The following MAP3K20 variants were observed in gnomAD, a reference collection of about 807,000 sequenced individuals.
MAP3K20 encodes HCCS-4.
A neutral mutation model predicts 85.7 loss-of-function variants in MAP3K20; 40 were observed. That is an observed-to-expected ratio of 0.47 (90% confidence interval 0.36 to 0.61). The LOEUF is 0.61. MAP3K20 is among the 20% of genes least tolerant of loss of function. The pLI, the probability that MAP3K20 is intolerant of heterozygous loss-of-function variation, is 0.00. For missense variants in MAP3K20, 817 were observed against 961.7 expected (o/e 0.85, Z 1.99); for synonymous variants, 325 against 327.7 (o/e 0.99, Z 0.09).
chr2:173,089,974 G>C (rs111267733), intron 1 of MAP3K20, among the ~76,000 whole-genome samples: 1 of 152,290 alleles, frequency 6.6e-6, no homozygotes, highest in African/African-American at 2.4e-5. Flanking sequence ...GCCTAGGCCA[G>C]ATGTTTTGTA....
rs576889941 is a variant in MAP3K20, at chr2:173,167,061, C to T, written c.160-2744C>T. Among the ~76,000 whole-genome samples, 35 of 151,984 alleles carry T rather than the reference C, an allele frequency of 2.3e-4. No individual in the cohort carries two copies. In the South Asian group the frequency reaches 6.9e-3, roughly 30 times the overall value. On this transcript the variant is annotated intron_variant, in intron 2 of 19. Coordinates refer to ENST00000375213, the MANE Select transcript of MAP3K20 (RefSeq NM_016653.3). Reference sequence around the variant, plus strand: ...CCGAGTAGCTGGGACTACAGGCGCCCGCTACCACGCCCGGCTAATTTTTTT... The same window carrying T: ...CCGAGTAGCTGGGACTACAGGCGCCTGCTACCACGCCCGGCTAATTTTTTT...
intron 1 of MAP3K20, among the ~76,000 whole-genome samples, chr2:173,080,927 A>G (rs1686996249): frequency 6.6e-6 from 1 of 152,196 alleles, no homozygotes; most frequent in African/African-American, 2.4e-5. Context: ...AAAGAAAAGG[A>G]AAGAATTGCT....
At chr2:173,219,425 TTTTA>T (rs1303276384) in intron 11 of MAP3K20, among the ~76,000 whole-genome samples, 1 of 152,138 alleles carries the variant, frequency 6.6e-6, no homozygotes, top group African/African-American at 2.4e-5. Context: ...GATGTAAACT[TTTTA>T]TTTATTTTAA....
Position 173,266,837 on chromosome 2 carries a change from A to G in MAP3K20, c.*87A>G, listed in dbSNP as rs927979430. 1.5e-5 allele frequency: 18 copies of G among 1,228,386 alleles called. No individual in the cohort carries two copies. The highest frequency in any genetic ancestry group is 1.8e-5 in the Non-Finnish European group (17 of 929,722). The allele number at this position is 1,228,386 out of a possible 1,614,324, so 76.1% of individuals were successfully genotyped here. On this transcript the variant is annotated 3_prime_UTR_variant, in exon 20 of 20. Coordinates refer to ENST00000375213, the MANE Select transcript of MAP3K20 (RefSeq NM_016653.3). ...GTTTTTGATAATATGATCCCTTCAG[A>G]TTGAATTAACGAAAAGACAACACTT...
Position 173,165,490 on chromosome 2 carries a change from A to C in MAP3K20, c.160-4315A>C, listed in dbSNP as rs537524282. ...TCCAAGTCCTAGTTTGGAAAATTAC[A>C]TGTTTATCTTATGGATACTTAGACC... On this transcript the variant is annotated intron_variant, in intron 2 of 19. Coordinates refer to ENST00000375213, the MANE Select transcript of MAP3K20 (RefSeq NM_016653.3). Among the ~76,000 whole-genome samples the C allele has an allele frequency of 2.0e-5, 3 of 152,290 alleles. No individual in the cohort carries two copies. In the East Asian group the frequency reaches 5.8e-4, roughly 29 times the overall value.
chr2:173,175,361 A>G (rs1690122843), intron 3 of MAP3K20, among the ~76,000 whole-genome samples: 1 of 152,176 alleles, frequency 6.6e-6, no homozygotes, highest in South Asian at 2.1e-4. Context: ...AAACATATTT[A>G]TCTTAAGAAC....
intron 2 of MAP3K20, among the ~76,000 whole-genome samples, chr2:173,165,807 G>A (rs947318745): frequency 6.6e-6 from 1 of 152,146 alleles, no homozygotes; most frequent in Non-Finnish European, 1.5e-5. Flanking sequence ...GAGTAGCTGG[G>A]ACCACAGGCA....
chr2:173,107,229 A>T (rs1687807694), intron 2 of MAP3K20, among the ~76,000 whole-genome samples: 1 of 152,188 alleles, frequency 6.6e-6, no homozygotes. Flanking sequence ...GGGGCTCCCC[A>T]CCAAGCTCTG....
chr2:173,162,594 G>C (rs1349541180), intron 2 of MAP3K20, among the ~76,000 whole-genome samples: 1 of 151,496 alleles, frequency 6.6e-6, no homozygotes, highest in East Asian at 1.9e-4. Flanking sequence ...GCTGAGGCAG[G>C]AGAATCGCTT....
intron 11 of MAP3K20, chr2:173,223,925 T>G (rs1684319321): frequency 1.0e-6 from 1 of 985,326 alleles, no homozygotes; most frequent in African/African-American, 1.7e-5. Flanking sequence ...GTCAGCCACC[T>G]GAAGAGAGAG....
chr2:173,119,679 A>G (rs897676503), intron 2 of MAP3K20, among the ~76,000 whole-genome samples: 2 of 152,100 alleles, frequency 1.3e-5, no homozygotes, highest in Admixed American at 6.5e-5. Context: ...CTCAGCTTCT[A>G]CATACACCAT....
At chr2:173,196,776 C>A (rs1461859939) in intron 7 of MAP3K20, among the ~76,000 whole-genome samples, 1 of 152,136 alleles carries the variant, frequency 6.6e-6, no homozygotes, top group East Asian at 1.9e-4. Flanking sequence ...GTCGAAGCCA[C>A]TGGTTCTCTT....
rs556931621 is a variant in MAP3K20, at chr2:173,215,454, T to G, written c.852-1661T>G. On this transcript the variant is annotated intron_variant, in intron 10 of 19. Transcript: ENST00000375213. ...AGGCATAATATTTTTGTCAGAAATA[T>G]CAGGGATAAAATTTGGATTTTATGG... is the stretch of plus-strand genomic sequence containing the variant. 2.6e-5 allele frequency among the ~76,000 whole-genome samples: 4 copies of G among 152,334 alleles called. No individual in the cohort carries two copies. The South Asian group carries it at 6.2e-4, about 24-fold the overall frequency.
At chr2:173,263,609 T>C (rs1462153070) in intron 18 of MAP3K20, 136 bp from the exon 19 acceptor site, 3 of 818,904 alleles carry the variant, frequency 3.7e-6, no homozygotes, top group South Asian at 1.8e-5. Context: ...TGCATTATGA[T>C]AGTGTTCTAA....
intron 2 of MAP3K20, among the ~76,000 whole-genome samples, chr2:173,111,186 T>A (rs1349211202): frequency 6.6e-6 from 1 of 152,232 alleles, no homozygotes; most frequent in East Asian, 1.9e-4. Flanking sequence ...TCATTAGTGA[T>A]GTTGAGCATG....
intron 1 of MAP3K20, among the ~76,000 whole-genome samples, chr2:173,090,084 T>C (rs1292108920): frequency 6.6e-6 from 1 of 152,204 alleles, no homozygotes; most frequent in African/African-American, 2.4e-5. Context: ...TGGGATAAAA[T>C]AGTACACAAA....
chr2:173,246,882 T>TA (rs538093819), intron 16 of MAP3K20, among the ~76,000 whole-genome samples: 2 of 152,140 alleles, frequency 1.3e-5, no homozygotes, highest in Non-Finnish European at 2.9e-5. Context: ...AGTGGGTCCT[T>TA]AAATAAAGAC....
intron 2 of MAP3K20, among the ~76,000 whole-genome samples, chr2:173,159,317 A>AGAG (rs746108762): frequency 0.29 from 43,999 of 150,870 alleles, 7,972 homozygotes; most frequent in Non-Finnish European, 0.41. Context: ...TGTCACCCAA[A>AGAG]CTGAGTACGG....
intron 2 of MAP3K20, among the ~76,000 whole-genome samples, chr2:173,145,534 G>A (rs1689112742): frequency 6.6e-6 from 1 of 152,160 alleles, no homozygotes. Flanking sequence ...CAATGACAGT[G>A]GTTAAGGATA....
Sources: gnomAD v4.1 joint callset for allele counts (sites outside exome capture counted in the v4.1 genomes callset) on GRCh38, gnomAD v4.1.1 for gene constraint, MANE v1.5 for transcripts, NCBI Gene and HGNC (gene_info 2026-07-23, HGNC 2026-07-21) for gene names.